ANKRD28: variants seen among roughly 807,000 people sequenced by gnomAD.
ANKRD28 encodes ankyrin repeat domain 28.
ANKRD28 carries 44 observed loss-of-function variants against 126.5 expected under a neutral mutation model. The observed-to-expected ratio is 0.35, with a 90% confidence interval of 0.27 to 0.45. ANKRD28 has a LOEUF of 0.45. Among genes scored for constraint, ANKRD28 ranks in the 20% least tolerant of loss-of-function variants. The pLI is 1.00. For missense variants in ANKRD28, 1,110 were observed against 1,316.6 expected (o/e 0.84, Z 2.43); for synonymous variants, 442 against 468.5 (o/e 0.94, Z 0.73).
At chr3:15,693,253 T>C (rs928043356) in intron 17 of ANKRD28, among the ~76,000 whole-genome samples, 4 of 152,142 alleles carry the variant, frequency 2.6e-5, no homozygotes. Flanking sequence ...CGTTTTATGC[T>C]ATGTTTTCTT....
At chr3:15,696,417 T>C (rs1186871204) in intron 14 of ANKRD28, among the ~76,000 whole-genome samples, 172 bp from the exon 15 acceptor site, 5 of 152,098 alleles carry the variant, frequency 3.3e-5, no homozygotes, top group Non-Finnish European at 7.4e-5. Context: ...TAAAGTATCA[T>C]AAAAATGCAA....
In ANKRD28 at chr3:15,670,192, C is replaced by T. The variant is rs182586896; in HGVS notation, c.*78G>A. On this transcript the variant is annotated 3_prime_UTR_variant, in exon 28 of 28. Coordinates refer to ENST00000683139, the MANE Select transcript of ANKRD28 (RefSeq NM_001349278.2). ...TCTTTCCTCTTAGGTTGAATTTCTA[C>T]GTGAATATCAAAGTGCCTTTTTCCT... 1.9e-4 allele frequency: 272 copies of T among 1,462,754 alleles called. 1 individual carries two copies. The African/African-American group carries it at 2.8e-3, about 15-fold the overall frequency. 90.6% of individuals were successfully genotyped at this position (1,462,754 alleles called of 1,614,324 possible).
At chr3:15,726,783 T>G (rs893668778) in intron 6 of ANKRD28, among the ~76,000 whole-genome samples, 1 of 152,254 alleles carries the variant, frequency 6.6e-6, no homozygotes, top group Non-Finnish European at 1.5e-5. Context: ...GAGAAATCTA[T>G]GCTTGCCATC....
In ANKRD28 at chr3:15,857,961, C is replaced by G. The variant is rs150699238; in HGVS notation, c.27+1416G>C. 9.7e-4 allele frequency among the ~76,000 whole-genome samples: 148 copies of G among 152,336 alleles called. No individual in the cohort carries two copies. In the Middle Eastern group the frequency reaches 0.014, roughly 14 times the overall value. On this transcript the variant is annotated intron_variant, in intron 1 of 27. Transcript: ENST00000399451. Reference sequence around the variant, plus strand: ...GAAAACCCAGATCTCGAGTTTCACACTGTTAAGAGTATAAGATGCACGGAC... The same window carrying G: ...GAAAACCCAGATCTCGAGTTTCACAGTGTTAAGAGTATAAGATGCACGGAC...
rs567194202 is a variant in ANKRD28 at position 15,751,175 on chromosome 3, T to TA, written c.351+574dup. On this transcript the variant is annotated intron_variant, in intron 4 of 27. Coordinates refer to ENST00000683139, the MANE Select transcript of ANKRD28 (RefSeq NM_001349278.2). The stretch of plus-strand genomic sequence containing the variant: ...TCAGGACTGAAAGATATGAGAAATA[T>TA]AAAAATACTGTGCAAATAATGAACA... Among the ~76,000 whole-genome samples, 46 of 152,276 alleles carry TA rather than the reference T, an allele frequency of 3.0e-4. No individual in the cohort carries two copies. The East Asian group carries it at 4.8e-3, about 16-fold the overall frequency.
At chr3:15,736,725 C>A (rs961288259) in intron 5 of ANKRD28, among the ~76,000 whole-genome samples, 2 of 152,188 alleles carry the variant, frequency 1.3e-5, no homozygotes, top group African/African-American at 4.8e-5. Flanking sequence ...TTGCTATTTA[C>A]TTCTGGAAGA....
At chr3:15,698,016 G>A (rs972015990) in intron 14 of ANKRD28, among the ~76,000 whole-genome samples, 1 of 151,650 alleles carries the variant, frequency 6.6e-6, no homozygotes, top group Admixed American at 6.6e-5. Context: ...TAGTTTATTT[G>A]CGTAGAGGTG....
chr3:15,836,855 C>T (rs1006645352), intron 1 of ANKRD28, among the ~76,000 whole-genome samples: 7 of 151,548 alleles, frequency 4.6e-5, no homozygotes, highest in Admixed American at 1.3e-4. Flanking sequence ...CAGGCCGAGG[C>T]GGGCAGATCA....
chr3:15,767,848 A>G (rs2058822008), intron 2 of ANKRD28, among the ~76,000 whole-genome samples: 1 of 151,348 alleles, frequency 6.6e-6, no homozygotes, highest in Admixed American at 6.6e-5. Flanking sequence ...AGATGGCGCC[A>G]CTGCACTCCA....
Position 15,766,299 on chromosome 3 carries a change from C to T in ANKRD28, c.215G>A (p.Arg72Gln), listed in dbSNP as rs760104686. Residue 72 changes from arginine (R) to glutamine (Q), a missense_variant, in exon 3 of 28, where the codon CGA becomes CAA. Coordinates refer to ENST00000683139, the MANE Select transcript of ANKRD28 (RefSeq NM_001349278.2). ...GTAAGCTGCGGCGTGCAATGGGGTT[C>T]GCTTTTCATTGTCCTGTGATAATAA... is the stretch of plus-strand genomic sequence containing the variant. Reference protein sequence around the residue: ...EDVNFQDNEKRTPLHAAAYLG... With the variant: ...EDVNFQDNEKQTPLHAAAYLG... 18 of 1,610,086 alleles carry T rather than the reference C, an allele frequency of 1.1e-5. No homozygotes were observed. The highest frequency in any genetic ancestry group is 8.3e-5 in the Admixed American group (5 of 59,886).
intron 21 of ANKRD28, among the ~76,000 whole-genome samples, chr3:15,681,473 C>G (rs1001630237): frequency 2.0e-5 from 3 of 152,154 alleles, no homozygotes; most frequent in African/African-American, 7.2e-5. Context: ...ATTTAATACC[C>G]TAATTACTAC....
At chr3:15,777,298 GA>G (rs377075066) in intron 2 of ANKRD28, among the ~76,000 whole-genome samples, 2 of 147,772 alleles carry the variant, frequency 1.4e-5, no homozygotes, top group Non-Finnish European at 3.0e-5. Flanking sequence ...AGAAAAAAAA[GA>G]AAAAAGTCAC....
At chr3:15,753,458 T>C (rs1044065667) in intron 3 of ANKRD28, among the ~76,000 whole-genome samples, 7 of 152,260 alleles carry the variant, frequency 4.6e-5, no homozygotes, top group Non-Finnish European at 1.5e-5. Flanking sequence ...TTAAGCCCTG[T>C]GCCTCTTTCT....
chr3:15,725,944 G>A (rs1262568613), intron 6 of ANKRD28, among the ~76,000 whole-genome samples: 1 of 152,178 alleles, frequency 6.6e-6, no homozygotes, highest in African/African-American at 2.4e-5. Flanking sequence ...TCGGGAGGCT[G>A]AGGCCCGAAA....
intron 4 of ANKRD28, among the ~76,000 whole-genome samples, chr3:15,744,644 T>C (rs1006570032): frequency 4.4e-4 from 67 of 152,316 alleles, no homozygotes; most frequent in African/African-American, 1.6e-3. Context: ...ATCCAGTCAT[T>C]GACTGATGCG....
At chr3:15,686,343 C>T in intron 18 of ANKRD28, 34 bp from the exon 19 acceptor site, 3 of 1,443,162 alleles carry the variant, frequency 2.1e-6, no homozygotes, top group Non-Finnish European at 2.9e-6. Flanking sequence ...TCAGTAATTA[C>T]ATATAATGAT....
chr3:15,708,479 GA>G (rs1229578087), intron 13 of ANKRD28, among the ~76,000 whole-genome samples: 1 of 151,576 alleles, frequency 6.6e-6, no homozygotes, highest in Admixed American at 6.6e-5. Context: ...AAAGGTAAGA[GA>G]AAAAAATAGA....
Position 15,670,405 on chromosome 3 carries a change from T to C in ANKRD28, c.3117A>G (p.Thr1039=), listed in dbSNP as rs1255404429. 6.2e-7 allele frequency: 1 copy of C among 1,613,960 alleles called. No individual in the cohort carries two copies. The highest frequency in any genetic ancestry group is 2.2e-5 in the East Asian group (1 of 44,884). Residue 1039 remains threonine (T), a synonymous_variant, in exon 28 of 28, where the codon ACA becomes ACG. Coordinates refer to ENST00000683139, the MANE Select transcript of ANKRD28 (RefSeq NM_001349278.2). ...AINRYTNTSK[T]VSFEALPIMR... ...TGATGGGCAAAGCTTCAAAGCTGAC[T>C]GTTTTTGAGGTGTTGGTATAACGGT...
rs542664625 is a variant in ANKRD28 at position 15,814,831 on chromosome 3, TCA to T, written c.28-19527_28-19526del. Among the ~76,000 whole-genome samples the T allele has an allele frequency of 4.1e-3, 624 of 151,328 alleles. 6 individuals are homozygous for T. Among genetic ancestry groups the T allele is most frequent in the Admixed American group, 0.01 (152 of 15,162 alleles). ...TTCAGTAATACATAAATTTAAGAAATCACTGCAATATCTCTCAAAGAAAACTC... is the reference window on the plus strand; with the variant it reads ...TTCAGTAATACATAAATTTAAGAAATCTGCAATATCTCTCAAAGAAAACTC... On this transcript the variant is annotated intron_variant, in intron 1 of 27. Coordinates refer to the ANKRD28 transcript ENST00000399451. The surrounding 1 kb of genome is among the most constrained non-coding windows in gnomAD (Gnocchi z 4.7).
Sources: gnomAD v4.1 joint callset for allele counts (sites outside exome capture counted in the v4.1 genomes callset) on GRCh38, gnomAD v4.1.1 for gene constraint, Gnocchi (gnomAD v3.1) non-coding constraint, MANE v1.5 for transcripts, NCBI Gene and HGNC (gene_info 2026-07-23, HGNC 2026-07-21) for gene names.